ERI1: variants seen among roughly 807,000 people sequenced by gnomAD.
The protein encoded by ERI1 is 3'-5' exoribonuclease 1.
A neutral mutation model predicts 39.7 loss-of-function variants in ERI1; 39 were observed. The ratio of observed to expected loss-of-function variants is 0.98; its 90% CI spans 0.76 to 1.28. The LOEUF (loss-of-function observed/expected upper bound fraction) is 1.28. ERI1 is among the 50% of genes most tolerant of loss of function. The pLI is 0.00. For missense variants in ERI1, 581 were observed against 416.9 expected (o/e 1.39, Z -3.43); for synonymous variants, 204 against 149.6 (o/e 1.36, Z -2.65).
At chr8:9,099,511 G>C (rs1398226659) in intron 3 of ERI1, among the ~76,000 whole-genome samples, 1 of 151,104 alleles carries the variant, frequency 6.6e-6, no homozygotes, top group African/African-American at 2.4e-5. Flanking sequence ...GGAAGAATCA[G>C]TTGAGCCTGG....
At position 9,020,451 on chromosome 8, in the gene ERI1, G is replaced by T; in HGVS notation, c.794G>T (p.Gly265Val). ...KKWINIRKSY[G>V]NFYKVPRSQT... ...TGGATCAATATTCGGAAGTCATATGGAAATTTTTACAAGGTAAAATTTCTA... is the reference window on the plus strand; with the variant it reads ...TGGATCAATATTCGGAAGTCATATGTAAATTTTTACAAGGTAAAATTTCTA... Residue 265 changes from glycine (G) to valine (V), a missense_variant, in exon 6 of 7, where the codon GGA (glycine) becomes GTA (valine). Physicochemically the swap from Gly to Val is moderately radical, Grantham distance 109. Transcript: ENST00000250263. 6.3e-7 allele frequency: 1 copy of T among 1,593,116 alleles called. No homozygotes were observed. Among genetic ancestry groups the T allele is most frequent in the Non-Finnish European group, 8.5e-7 (1 of 1,169,938 alleles).
chr8:9,010,931 G>C (rs368183859), intron 2 of ERI1, among the ~76,000 whole-genome samples: 1 of 152,198 alleles, frequency 6.6e-6, no homozygotes, highest in South Asian at 2.1e-4. Flanking sequence ...GAACCTACTA[G>C]TGTGATAATG....
intron 3 of ERI1, among the ~76,000 whole-genome samples, chr8:9,040,644 C>G (rs1325417164): frequency 3.3e-5 from 5 of 151,902 alleles, no homozygotes; most frequent in African/African-American, 9.7e-5. Context: ...ACATATCCCA[C>G]ATGAAGACCT....
At chr8:9,056,883 G>C (rs936734053) in intron 3 of ERI1, among the ~76,000 whole-genome samples, 1 of 152,192 alleles carries the variant, frequency 6.6e-6, no homozygotes. Context: ...ACCCAGGCTG[G>C]AGTGCAGTGG....
chr8:9,031,648 A>G lies in ERI1; in HGVS notation c.*1614A>G, dbSNP rs1416065156. ...GAAATATTACGTTTCCAGTTTTTTT[A>G]GCTCTATCTGCTAATTTCTTTGCCT... On this transcript the variant is annotated 3_prime_UTR_variant, in exon 7 of 7. Transcript: ENST00000250263. 2 of 152,142 alleles carry G rather than the reference A, an allele frequency of 1.3e-5. No individual in the cohort carries two copies. The highest frequency in any genetic ancestry group is 2.9e-5 in the Non-Finnish European group (2 of 68,016). 9.4% of individuals were successfully genotyped at this position (152,142 alleles called of 1,614,324 possible).
intron 6 of ERI1, among the ~76,000 whole-genome samples, chr8:9,021,776 T>TG (rs1267612439): frequency 7.0e-6 from 1 of 141,976 alleles, no homozygotes; most frequent in Non-Finnish European, 1.5e-5. Context: ...TTTTTTTTGT[T>TG]TTTTTTTTTT....
At position 9,021,765 on chromosome 8, in the gene ERI1, GTTTTTTTTGT is replaced by G. The variant is rs1471316479; in HGVS notation, c.807+1310_807+1319del. 5.1e-3 allele frequency among the ~76,000 whole-genome samples: 258 copies of G among 51,086 alleles called. 2 individuals are homozygous for G. The highest frequency in any genetic ancestry group is 0.017 in the African/African-American group (217 of 12,518). 33.5% of individuals were successfully genotyped at this position (51,086 alleles called of 152,430 possible). On this transcript the variant is annotated intron_variant, in intron 6 of 6. Transcript: ENST00000250263. Reference sequence around the variant, plus strand: ...TAGTATTATACTGGCTATATTATTTGTTTTTTTTGTTTTTTTTTTTTTTTCAATATTATGC... The same window carrying G: ...TAGTATTATACTGGCTATATTATTTGTTTTTTTTTTTTTTCAATATTATGC...
In ERI1 at chr8:9,018,282, C is replaced by A; in HGVS notation, c.583-15C>A. 6.5e-7 allele frequency: 1 copy of A among 1,535,112 alleles called. No individual in the cohort carries two copies. Among genetic ancestry groups the A allele is most frequent in the Non-Finnish European group, 9.0e-7 (1 of 1,116,250 alleles). ...GCAGCCCTGATTTTTGTATATTTTA[C>A]TTTTATATCCTCAGGATCAGGTAGA... is the stretch of plus-strand genomic sequence containing the variant. On this transcript the variant is annotated splice_polypyrimidine_tract_variant and intron_variant, in intron 4 of 6. Transcript: ENST00000250263.
intron 3 of ERI1, among the ~76,000 whole-genome samples, chr8:9,055,071 G>A (rs1798464498): frequency 6.6e-6 from 1 of 152,232 alleles, no homozygotes; most frequent in East Asian, 1.9e-4. Context: ...TCGCGAATCA[G>A]CAGCTGCCTG....
intron 5 of ERI1, among the ~76,000 whole-genome samples, chr8:9,020,102 A>T (rs952741986): frequency 6.6e-5 from 10 of 152,230 alleles, no homozygotes; most frequent in African/African-American, 2.4e-4. Context: ...AGAACCATGA[A>T]AACAATCAAG....
intron 6 of ERI1, among the ~76,000 whole-genome samples, chr8:9,024,996 T>G (rs980115883): frequency 6.6e-6 from 1 of 152,228 alleles, no homozygotes; most frequent in East Asian, 1.9e-4. Flanking sequence ...GAAGTGTTAC[T>G]GCTTTCAAAT....
chr8:9,017,953 G>T (rs762601552), intron 4 of ERI1, among the ~76,000 whole-genome samples: 1 of 152,182 alleles, frequency 6.6e-6, no homozygotes, highest in Non-Finnish European at 1.5e-5. Context: ...CACTTAGGGA[G>T]CTGTGGCTTT....
In ERI1 at chr8:9,032,919, A is replaced by G. The variant is rs896819143; in HGVS notation, c.*2885A>G. The G allele has an allele frequency of 1.3e-5, 2 of 152,214 alleles. No homozygotes were observed. Among genetic ancestry groups the G allele is most frequent in the African/African-American group, 4.8e-5 (2 of 41,456 alleles). 9.4% of individuals were successfully genotyped at this position (152,214 alleles called of 1,614,324 possible). On this transcript the variant is annotated 3_prime_UTR_variant, in exon 7 of 7. Transcript: ENST00000250263. ...ATTGTACTTTGAAGGAAGACTTTCC[A>G]TTTCTAAGCTACCATGGAGAAGTAT...
At chr8:9,097,029 C>T (rs747335179) in intron 3 of ERI1, among the ~76,000 whole-genome samples, 1 of 152,010 alleles carries the variant, frequency 6.6e-6, no homozygotes, top group East Asian at 1.9e-4. Context: ...ACCCAGGTCC[C>T]AAACGAACCC....
intron 4 of ERI1, 44 bp from the exon 5 acceptor site, chr8:9,018,253 A>T (rs758670770): frequency 1.8e-6 from 2 of 1,140,960 alleles, no homozygotes; most frequent in African/African-American, 3.1e-5. Flanking sequence ...GTCTACGTGA[A>T]GCTGCAGCCC....
downstream of ERI1, among the ~76,000 whole-genome samples, chr8:9,034,726 G>C (rs1797785954): frequency 6.6e-6 from 1 of 152,032 alleles, no homozygotes; most frequent in African/African-American, 2.4e-5. Context: ...GAAAGGAAGA[G>C]TCACATGTCT....
intron 3 of ERI1, among the ~76,000 whole-genome samples, chr8:9,052,773 C>T (rs779700881): frequency 3.3e-5 from 5 of 152,114 alleles, no homozygotes; most frequent in East Asian, 1.9e-4. Context: ...TGGAAATTTC[C>T]GAGTGGTTCG....
At chr8:9,033,786 C>T (rs906017054), downstream of ERI1, among the ~76,000 whole-genome samples, 16 of 141,622 alleles carry the variant, frequency 1.1e-4, no homozygotes, top group African/African-American at 3.4e-4. Flanking sequence ...TGCTATGCTG[C>T]CTCCCGTTGT....
chr8:9,037,199 G>A (rs143515043), downstream of ERI1, among the ~76,000 whole-genome samples: 264 of 152,264 alleles, frequency 1.7e-3, 1 homozygote, highest in Middle Eastern at 3.4e-3. Flanking sequence ...AACCTTCACA[G>A]TCTGATTTCT....
Sources: allele counts gnomAD v4.1 joint callset (sites outside exome capture counted in the v4.1 genomes callset), GRCh38; gene constraint gnomAD v4.1.1; transcripts MANE v1.5; gene names NCBI Gene and HGNC (gene_info 2026-07-23, HGNC 2026-07-21).